Variants in DPYSL2 observed in about 807,000 individuals in gnomAD.
The protein encoded by DPYSL2 is dihydropyrimidinase like 2, also known as dihydropyrimidinase-related protein 2.
In DPYSL2, 13 loss-of-function variants were observed where a neutral mutation model predicts 69.9. The ratio of observed to expected loss-of-function variants is 0.19; its 90% CI spans 0.12 to 0.30. DPYSL2 has a LOEUF of 0.30. DPYSL2 is among the 10% of genes least tolerant of loss of function. The pLI is 1.00. For missense variants in DPYSL2, 587 were observed against 918.9 expected (o/e 0.64, Z 4.67); for synonymous variants, 326 against 359.1 (o/e 0.91, Z 1.04).
Position 26,648,463 on chromosome 8 carries a change from T to C in DPYSL2, c.1596+663T>C, listed in dbSNP as rs1803217426. Among the ~76,000 whole-genome samples the C allele has an allele frequency of 6.6e-6, 1 of 151,782 alleles. No homozygotes were observed. Among genetic ancestry groups the C allele is most frequent in the Admixed American group, 6.6e-5 (1 of 15,214 alleles). On this transcript the variant is annotated intron_variant, in intron 11 of 13. Transcript: ENST00000521913. The surrounding 1 kb of genome is among the most constrained non-coding windows in gnomAD (Gnocchi z 4.3). ...ATGTCTTACGCTCCTCAGCTGAGAG[T>C]GAGGGGTTCAGACGAGGTCTCCAAG...
At chr8:26,589,730 G>C (rs1801681701) in intron 3 of DPYSL2, among the ~76,000 whole-genome samples, 2 of 152,360 alleles carry the variant, frequency 1.3e-5, no homozygotes, top group Admixed American at 1.3e-4. Flanking sequence ...GGATGGGACA[G>C]CTCCCTCTGT....
chr8:26,596,871 G>A (rs1489061468), intron 3 of DPYSL2, among the ~76,000 whole-genome samples: 1 of 152,162 alleles, frequency 6.6e-6, no homozygotes, highest in Non-Finnish European at 1.5e-5. Flanking sequence ...GCTGCTTTGT[G>A]CCCAGCCTTG....
At chr8:26,622,785 A>T (rs1025351359) in intron 3 of DPYSL2, among the ~76,000 whole-genome samples, 3 of 152,164 alleles carry the variant, frequency 2.0e-5, no homozygotes, top group Non-Finnish European at 4.4e-5. Flanking sequence ...TATATTTCTG[A>T]CATATACAAA....
Position 26,585,559 on chromosome 8 carries a change from G to A in DPYSL2, c.628+1576G>A, listed in dbSNP as rs1366897611. ...GTGGGTGCCATTTTCCAGGGATGTCGGGGGGAGATTTCATGCACACCTAGG... is the reference window on the plus strand; with the variant it reads ...GTGGGTGCCATTTTCCAGGGATGTCAGGGGGAGATTTCATGCACACCTAGG... On this transcript the variant is annotated intron_variant, in intron 3 of 13. Coordinates refer to ENST00000521913, the MANE Select transcript of DPYSL2 (RefSeq NM_001197293.3). This position sits in a 1 kb window ranked among gnomAD's most constrained non-coding sequence, Gnocchi z 4.0. Among the ~76,000 whole-genome samples, 2 of 152,040 alleles carry A rather than the reference G, an allele frequency of 1.3e-5. No homozygotes were observed. Among genetic ancestry groups the A allele is most frequent in the African/African-American group, 2.4e-5 (1 of 41,344 alleles).
chr8:26,609,826 C>T lies in DPYSL2; in HGVS notation c.629-14317C>T, dbSNP rs78531016. 0.019 allele frequency among the ~76,000 whole-genome samples: 2,911 copies of T among 152,284 alleles called. 138 individuals carry two copies. The highest frequency in any genetic ancestry group is 0.1 in the East Asian group (521 of 5,172). On this transcript the variant is annotated intron_variant, in intron 3 of 13. Transcript: ENST00000521913. This position sits in a 1 kb window ranked among gnomAD's most constrained non-coding sequence, Gnocchi z 6.5. ...TGCACTCTTTCTGTAATTTGTTCAT[C>T]GCCTGGAATTTATTTCTGGCAGACT...
chr8:26,631,006 C>A (rs17055546), intron 7 of DPYSL2, among the ~76,000 whole-genome samples: 1 of 152,120 alleles, frequency 6.6e-6, no homozygotes, highest in Non-Finnish European at 1.5e-5. Context: ...TCTGCAAATG[C>A]TACATGAGGC....
intron 1 of DPYSL2, among the ~76,000 whole-genome samples, chr8:26,579,267 G>A (rs62491888): frequency 0.014 from 2,078 of 152,380 alleles, 25 homozygotes; most frequent in Middle Eastern, 0.068. Flanking sequence ...CCGTGAATTA[G>A]CGATGCCTCA....
At position 26,546,596 on chromosome 8, in the gene DPYSL2, G is replaced by A. The variant is rs1040959563; in HGVS notation, c.354+31917G>A. On this transcript the variant is annotated intron_variant, in intron 1 of 13. Transcript: ENST00000521913. ...AGAAAGCTTCTAGTTTCTTATCTGA[G>A]ATGCTAGACTTTTATTCTCACAACA... 3.3e-5 allele frequency among the ~76,000 whole-genome samples: 5 copies of A among 152,096 alleles called. No individual in the cohort carries two copies. In the East Asian group the frequency reaches 5.8e-4, roughly 18 times the overall value.
Position 26,643,336 on chromosome 8 carries a change from G to A in DPYSL2, c.1127-103G>A. ...GCCTGATATTTCCTATAAAGGGATA[G>A]TGAGTGCACTGGGTGCTGCTGGGCA... On this transcript the variant is annotated intron_variant, in intron 8 of 13. Coordinates refer to ENST00000521913, the MANE Select transcript of DPYSL2 (RefSeq NM_001197293.3). This position sits in a 1 kb window ranked among gnomAD's most constrained non-coding sequence, Gnocchi z 6.5. 2 of 1,253,070 alleles carry A rather than the reference G, an allele frequency of 1.6e-6. No individual in the cohort carries two copies. Among genetic ancestry groups the A allele is most frequent in the South Asian group, 1.5e-5 (1 of 66,832 alleles). 77.6% of individuals were successfully genotyped at this position (1,253,070 alleles called of 1,614,324 possible).
At position 26,643,224 on chromosome 8, in the gene DPYSL2, G is replaced by C. The variant is rs1446870060; in HGVS notation, c.1127-215G>C. 2.1e-6 allele frequency: 1 copy of C among 484,372 alleles called. No homozygotes were observed. Among genetic ancestry groups the C allele is most frequent in the African/African-American group, 2.0e-5 (1 of 49,572 alleles). The allele number at this position is 484,372 out of a possible 1,614,324, so 30.0% of individuals were successfully genotyped here. On this transcript the variant is annotated intron_variant, in intron 8 of 13. Transcript: ENST00000521913. The surrounding 1 kb of genome is among the most constrained non-coding windows in gnomAD (Gnocchi z 6.5). The stretch of plus-strand genomic sequence containing the variant: ...AGGGTGTGTTGTTTGAAGAGCAGGG[G>C]CTGAAGGTGGAATCTTGGGGAGCTC...
At chr8:26,536,105 CT>C (rs111964513) in intron 1 of DPYSL2, among the ~76,000 whole-genome samples, 1,637 of 139,670 alleles carry the variant, frequency 0.012, 17 homozygotes, top group African/African-American at 0.038. Flanking sequence ...TATCTTTTTC[CT>C]TTTTTTTTTT....
Position 26,626,382 on chromosome 8 carries a change from T to C in DPYSL2, c.794-235T>C, listed in dbSNP as rs1802612061. On this transcript the variant is annotated intron_variant, in intron 4 of 13. Coordinates refer to ENST00000521913, the MANE Select transcript of DPYSL2 (RefSeq NM_001197293.3). The surrounding 1 kb of genome is among the most constrained non-coding windows in gnomAD (Gnocchi z 4.3). ...TTATAAGAATACTAAAAAGCATCCT[T>C]GTGCCTCTTCCTCCCACATTCACAG... Among the ~76,000 whole-genome samples, 1 of 152,160 alleles carries C rather than the reference T, an allele frequency of 6.6e-6. No individual in the cohort carries two copies. Among genetic ancestry groups the C allele is most frequent in the Non-Finnish European group, 1.5e-5 (1 of 68,036 alleles).
intron 7 of DPYSL2, among the ~76,000 whole-genome samples, chr8:26,630,556 T>C (rs1468328055): frequency 6.6e-6 from 1 of 152,156 alleles, no homozygotes; most frequent in Non-Finnish European, 1.5e-5. Context: ...TGGCCCACAT[T>C]TCAGTTTTGT....
chr8:26,599,946 C>T (rs1394464675), intron 3 of DPYSL2, among the ~76,000 whole-genome samples: 1 of 152,154 alleles, frequency 6.6e-6, no homozygotes, highest in East Asian at 1.9e-4. Context: ...ACCCCTAGCC[C>T]ATGGCAACCA....
rs1233723037 is a variant in DPYSL2 at position 26,621,417 on chromosome 8, A to T, written c.629-2726A>T. ...TGAGGGGAGGGGTCTTTGCCGCAGC[A>T]AAAGCTGGTCCGGTTCCCAGGAGAG... On this transcript the variant is annotated intron_variant, in intron 3 of 13. Transcript: ENST00000521913. This position sits in a 1 kb window ranked among gnomAD's most constrained non-coding sequence, Gnocchi z 4.9. Among the ~76,000 whole-genome samples the T allele has an allele frequency of 6.6e-6, 1 of 152,216 alleles. No homozygotes were observed. The highest frequency in any genetic ancestry group is 2.4e-5 in the African/African-American group (1 of 41,462).
In DPYSL2 at chr8:26,586,250, A is replaced by G. The variant is rs1447282332; in HGVS notation, c.628+2267A>G. 6.6e-6 allele frequency among the ~76,000 whole-genome samples: 1 copy of G among 151,526 alleles called. No individual in the cohort carries two copies. Among genetic ancestry groups the G allele is most frequent in the African/African-American group, 2.4e-5 (1 of 41,166 alleles). ...CCGTGTGACCTTGAGTCACTACCCT[A>G]CTCTGTGTTCTAGCTGTGTGTCTCC... is the stretch of plus-strand genomic sequence containing the variant. On this transcript the variant is annotated intron_variant, in intron 3 of 13. Coordinates refer to ENST00000521913, the MANE Select transcript of DPYSL2 (RefSeq NM_001197293.3). This position sits in a 1 kb window ranked among gnomAD's most constrained non-coding sequence, Gnocchi z 4.7.
At position 26,571,840 on chromosome 8, in the gene DPYSL2, G is replaced by A. The variant is rs1247694172; in HGVS notation, c.355-10129G>A. Among the ~76,000 whole-genome samples the A allele has an allele frequency of 6.6e-6, 1 of 152,158 alleles. No homozygotes were observed. The highest frequency in any genetic ancestry group is 1.5e-5 in the Non-Finnish European group (1 of 68,034). ...CAGCCACAGGGGAAGGCAGTGGGCA[G>A]GTTCCGATCCAATCTGCAGTCTCTG... is the stretch of plus-strand genomic sequence containing the variant. On this transcript the variant is annotated intron_variant, in intron 1 of 13. Transcript: ENST00000521913. The surrounding 1 kb of genome is among the most constrained non-coding windows in gnomAD (Gnocchi z 6.1).
intron 1 of DPYSL2, among the ~76,000 whole-genome samples, chr8:26,515,228 C>A (rs547552359): frequency 2.6e-5 from 4 of 152,334 alleles, no homozygotes; most frequent in African/African-American, 7.2e-5. Context: ...CCCCGGACCC[C>A]CTCCGAGCAC....
intron 1 of DPYSL2, among the ~76,000 whole-genome samples, chr8:26,567,033 C>T (rs1801160924): frequency 6.6e-6 from 1 of 151,798 alleles, no homozygotes; most frequent in Non-Finnish European, 1.5e-5. Context: ...CCCACCCATC[C>T]ATCTATCCAC....
Sources: allele counts gnomAD v4.1 joint callset (sites outside exome capture counted in the v4.1 genomes callset), GRCh38; gene constraint gnomAD v4.1.1; non-coding constraint Gnocchi (gnomAD v3.1); transcripts MANE v1.5; gene names NCBI Gene and HGNC (gene_info 2026-07-23, HGNC 2026-07-21).